TTC3: variants seen among roughly 807,000 people sequenced by gnomAD.
TTC3 encodes the protein E3 ubiquitin-protein ligase TTC3.
Under a neutral mutation model 249.6 loss-of-function variants are expected in TTC3, and 180 were observed. That is an observed-to-expected ratio of 0.72 (90% confidence interval 0.64 to 0.82). The LOEUF is 0.82. Ranked by LOEUF, TTC3 falls within the 40% of genes least tolerant of loss-of-function variation. The pLI, the probability that TTC3 is intolerant of heterozygous loss-of-function variation, is 0.00. For missense variants in TTC3, 2,061 were observed against 2,398.4 expected (o/e 0.86, Z 2.94); for synonymous variants, 717 against 805.0 (o/e 0.89, Z 1.85).
intron 16 of TTC3, among the ~76,000 whole-genome samples, chr21:37,129,392 A>G (rs904288188): frequency 9.9e-5 from 15 of 152,136 alleles, no homozygotes; most frequent in African/African-American, 3.6e-4. Flanking sequence ...TTCCCTGCTC[A>G]CCTCATTTGA....
At chr21:37,093,112 T>TCA in intron 7 of TTC3, among the ~76,000 whole-genome samples, 1 of 152,138 alleles carries the variant, frequency 6.6e-6, no homozygotes, top group East Asian at 1.9e-4. Context: ...GCGCGGTGGC[T>TCA]CACACCTGTA....
intron 28 of TTC3, chr21:37,158,109 A>G: frequency 4.1e-6 from 4 of 985,396 alleles, no homozygotes; most frequent in Non-Finnish European, 4.8e-6. Flanking sequence ...ACACTCAAAT[A>G]CAGATGGCTT....
At chr21:37,078,717 G>T in intron 1 of TTC3, among the ~76,000 whole-genome samples, 1 of 151,950 alleles carries the variant, frequency 6.6e-6, no homozygotes, top group East Asian at 1.9e-4. Context: ...TGTGTTTTCT[G>T]TGTGGATAAT....
chr21:37,082,377 C>G (rs1268008653), intron 1 of TTC3: 1 of 528,374 alleles, frequency 1.9e-6, no homozygotes, highest in East Asian at 1.5e-4. Context: ...ATGTAGCTGT[C>G]ACCTCATGTG....
intron 20 of TTC3, among the ~76,000 whole-genome samples, chr21:37,142,156 C>T (rs190745178): frequency 6.6e-5 from 10 of 152,210 alleles, no homozygotes; most frequent in African/African-American, 1.7e-4. Context: ...ACTGAATGGA[C>T]GAAAACTGGA....
At chr21:37,158,248 A>G (rs2080309641) in intron 28 of TTC3, 1 of 978,072 alleles carries the variant, frequency 1.0e-6, no homozygotes, top group Non-Finnish European at 1.2e-6. Flanking sequence ...AACCTGATGC[A>G]TGTTTGGATC....
intron 34 of TTC3, among the ~76,000 whole-genome samples, chr21:37,169,379 C>G (rs2081529298): frequency 6.6e-6 from 1 of 152,150 alleles, no homozygotes; most frequent in Non-Finnish European, 1.5e-5. Flanking sequence ...AACCCCGTCT[C>G]TACTAAAAAT....
intron 29 of TTC3, among the ~76,000 whole-genome samples, chr21:37,160,158 GT>G (rs142350312): frequency 0.044 from 6,762 of 152,262 alleles, 183 homozygotes; most frequent in Middle Eastern, 0.061. Context: ...CAGTTCCAGA[GT>G]TGTCTTCCTT....
At chr21:37,117,841 AAAAAAAAAAAAAG>A (rs1359481054) in intron 11 of TTC3, among the ~76,000 whole-genome samples, 1 of 149,796 alleles carries the variant, frequency 6.7e-6, no homozygotes, top group Non-Finnish European at 1.5e-5. Flanking sequence ...ACTTCAAAAA[AAAAAAAAAAAAAG>A]AAAAAAGAAA....
rs2081279188 is a variant in TTC3 at position 37,166,631 on chromosome 21, A to G, written c.4401+16A>G. 6.3e-7 allele frequency: 1 copy of G among 1,582,592 alleles called. No individual in the cohort carries two copies. Among genetic ancestry groups the G allele is most frequent in the Admixed American group, 1.8e-5 (1 of 55,098 alleles). On this transcript the variant is annotated intron_variant, in intron 33 of 45. Transcript: ENST00000355666. ...TGCCATACAGGTAAGAGTTAAATAG[A>G]AAAGTCTTCTTAATACTGAAGTTAA... is the stretch of plus-strand genomic sequence containing the variant.
intron 11 of TTC3, among the ~76,000 whole-genome samples, chr21:37,109,136 G>T (rs1793870): frequency 0.41 from 62,030 of 151,976 alleles, 13,291 homozygotes; most frequent in Non-Finnish European, 0.48. Context: ...CAGCGTGAGC[G>T]ACACAGAAGA....
intron 20 of TTC3, among the ~76,000 whole-genome samples, 185 bp from the exon 21 acceptor site, chr21:37,144,336 ATTAC>A (rs1438151299): frequency 6.6e-6 from 1 of 152,138 alleles, no homozygotes; most frequent in East Asian, 1.9e-4. Flanking sequence ...TTTAATGTAT[ATTAC>A]TTTTATAGCA....
intron 29 of TTC3, 40 bp from the exon 30 acceptor site, chr21:37,160,762 G>A: frequency 6.2e-7 from 1 of 1,601,456 alleles, no homozygotes; most frequent in Non-Finnish European, 8.5e-7. Flanking sequence ...TCATAATGCT[G>A]TTATTTGAGT....
chr21:37,196,418 G>T (rs140319988), intron 42 of TTC3, among the ~76,000 whole-genome samples: 2 of 152,088 alleles, frequency 1.3e-5, no homozygotes, highest in African/African-American at 4.8e-5. Context: ...TGTATTTTTA[G>T]TACAGGTGGG....
intron 10 of TTC3, chr21:37,098,008 G>A (rs775992640): frequency 1.4e-4 from 97 of 702,806 alleles, no homozygotes; most frequent in Non-Finnish European, 2.3e-4. Flanking sequence ...GGAGAATACC[G>A]CTGTATTAAC....
chr21:37,197,202 G>A (rs983881006), intron 42 of TTC3, among the ~76,000 whole-genome samples: 2 of 152,266 alleles, frequency 1.3e-5, no homozygotes, highest in South Asian at 4.1e-4. Flanking sequence ...GGTGGCTCAC[G>A]CCAGGCCGAG....
intron 17 of TTC3, among the ~76,000 whole-genome samples, chr21:37,135,117 C>T (rs1400896419): frequency 6.6e-6 from 1 of 152,148 alleles, no homozygotes; most frequent in Non-Finnish European, 1.5e-5. Context: ...GCAAGTGAGG[C>T]TTAGTACCAT....
At chr21:37,169,410 G>A (rs2081532010) in intron 34 of TTC3, among the ~76,000 whole-genome samples, 1 of 152,122 alleles carries the variant, frequency 6.6e-6, no homozygotes, top group African/African-American at 2.4e-5. Context: ...GCCAGGTGTG[G>A]TAGCTTACCT....
exon 31 of TTC3, chr21:37,162,024 C>T (rs2080806721): frequency 6.3e-7 from 1 of 1,591,406 alleles, no homozygotes; most frequent in South Asian, 1.2e-5. Context: ...ACTTCAGTAA[C>T]TTCAAATAAT....
Sources: gnomAD v4.1 joint callset for allele counts (sites outside exome capture counted in the v4.1 genomes callset) on GRCh38, gnomAD v4.1.1 for gene constraint, MANE v1.5 for transcripts, NCBI Gene and HGNC (gene_info 2026-07-23, HGNC 2026-07-21) for gene names.